CCNA1: variants seen among roughly 807,000 people sequenced by gnomAD.
CCNA1 encodes cyclin A1.
A neutral mutation model predicts 54.1 loss-of-function variants in CCNA1; 23 were observed. That is an observed-to-expected ratio of 0.42 (90% CI 0.31 to 0.60). CCNA1 has a LOEUF of 0.60. Ranked by LOEUF, CCNA1 falls within the 20% of genes least tolerant of loss-of-function variation. The pLI is 0.14. For synonymous variants in CCNA1, 208 were observed against 213.9 expected, an observed-to-expected ratio of 0.97 and a Z score of 0.24; for missense variants, 450 against 556.7, an observed-to-expected ratio of 0.81 and a Z score of 1.93.
chr13:36,438,514 A>G (rs2055835829), intron 4 of CCNA1, 130 bp from the exon 5 acceptor site: 5 of 697,222 alleles, frequency 7.2e-6, no homozygotes, highest in Non-Finnish European at 1.2e-5. Flanking sequence ...CCTTGTTATG[A>G]TAAAGATTTA....
At position 36,440,189 on chromosome 13, in the gene CCNA1, T is replaced by A. The variant is rs1456899340; in HGVS notation, c.1098+6T>A. 6.2e-7 allele frequency: 1 copy of A among 1,612,244 alleles called. No individual in the cohort carries two copies. Among genetic ancestry groups the A allele is most frequent in the Non-Finnish European group, 8.5e-7 (1 of 1,178,546 alleles). On this transcript the variant is annotated splice_donor_region_variant and intron_variant, in intron 6 of 8. Coordinates refer to ENST00000255465, the MANE Select transcript of CCNA1 (RefSeq NM_003914.4). ...GGACTGAGAACCTGGCTAAGGTGTG[T>A]ATGCCGCGTGATTTCTAGGAACTTC... is the stretch of plus-strand genomic sequence containing the variant.
intron 6 of CCNA1, 104 bp downstream of exon 6, chr13:36,440,287 C>A: frequency 1.9e-6 from 2 of 1,026,164 alleles, no homozygotes; most frequent in Non-Finnish European, 2.9e-6. Context: ...AGTTTTCTTC[C>A]CACAGGCCCA....
intron 6 of CCNA1, among the ~76,000 whole-genome samples, chr13:36,440,807 A>G (rs1368133709): frequency 1.3e-5 from 2 of 152,192 alleles, no homozygotes; most frequent in East Asian, 1.9e-4. Flanking sequence ...CTCTGTTCCA[A>G]TTCCAGCTGC....
chr13:36,433,821 G>A (rs893141603), intron 2 of CCNA1, among the ~76,000 whole-genome samples: 44 of 152,158 alleles, frequency 2.9e-4, no homozygotes, highest in South Asian at 4.1e-4. Context: ...GATTACAGGC[G>A]TCAGCCACGG....
chr13:36,432,796 G>T, intron 1 of CCNA1, 67 bp downstream of exon 1: 1 of 1,137,782 alleles, frequency 8.8e-7, no homozygotes, highest in Non-Finnish European at 1.3e-6. Context: ...AGCCCAACAC[G>T]AAGTCTTGGG....
At chr13:36,438,435 C>T (rs546780935) in intron 4 of CCNA1, among the ~76,000 whole-genome samples, 62 of 152,128 alleles carry the variant, frequency 4.1e-4, no homozygotes, top group Admixed American at 7.2e-4. Flanking sequence ...GCCATTCTCC[C>T]CTGCCCCCCC....
chr13:36,432,914 C>A, intron 1 of CCNA1, 119 bp from the exon 2 acceptor site: 2 of 1,043,294 alleles, frequency 1.9e-6, no homozygotes, highest in South Asian at 1.5e-5. Flanking sequence ...CTGGGAAGAT[C>A]AGCAATTGGT....
chr13:36,438,537 C>G (rs916555950), intron 4 of CCNA1, 107 bp from the exon 5 acceptor site: 4 of 780,696 alleles, frequency 5.1e-6, no homozygotes, highest in African/African-American at 1.7e-5. Flanking sequence ...TGGCTCTGAT[C>G]AGAATCTTTC....
intron 2 of CCNA1, among the ~76,000 whole-genome samples, chr13:36,435,565 T>G (rs1195237286): frequency 6.6e-6 from 1 of 152,254 alleles, no homozygotes; most frequent in Non-Finnish European, 1.5e-5. Context: ...TCTACCTAGC[T>G]CATTGGCCAC....
At position 36,439,972 on chromosome 13, in the gene CCNA1, T is replaced by G; in HGVS notation, c.894-7T>G. ...AGTTTTACTTCTGAAAACTCTTCCT[T>G]TCCCAGGAAATATGAAGAGATATAT... On this transcript the variant is annotated splice_region_variant and splice_polypyrimidine_tract_variant and intron_variant, in intron 5 of 8. Coordinates refer to ENST00000255465, the MANE Select transcript of CCNA1 (RefSeq NM_003914.4). 6.3e-7 allele frequency: 1 copy of G among 1,599,632 alleles called. No individual in the cohort carries two copies. The highest frequency in any genetic ancestry group is 2.2e-5 in the East Asian group (1 of 44,824).
At chr13:36,433,423 T>TTCGTTCG (rs2055752140) in intron 2 of CCNA1, among the ~76,000 whole-genome samples, 15 of 121,332 alleles carry the variant, frequency 1.2e-4, no homozygotes, top group African/African-American at 4.6e-4. Context: ...TCTTTCTTTC[T>TTCGTTCG]TTCTTTCTTT....
intron 5 of CCNA1, 141 bp from the exon 6 acceptor site, chr13:36,439,838 T>C (rs1016941508): frequency 8.1e-6 from 5 of 614,038 alleles, no homozygotes; most frequent in Non-Finnish European, 8.7e-6. Flanking sequence ...TTCATAGCCC[T>C]GAGTCATTTA....
In CCNA1 at chr13:36,439,459, A is replaced by G. The variant is rs76483575; in HGVS notation, c.894-520A>G. The stretch of plus-strand genomic sequence containing the variant: ...AAAACTTGCCAAAATTCCCCTAAAG[A>G]AAGTAGAAACAAAGGCAGAAGGAAA... On this transcript the variant is annotated intron_variant, in intron 5 of 8. Transcript: ENST00000255465. 7.9e-4 allele frequency among the ~76,000 whole-genome samples: 121 copies of G among 152,344 alleles called. No individual in the cohort carries two copies. In the East Asian group the frequency reaches 0.022, roughly 28 times the overall value.
rs1203284768 is a variant in CCNA1, at chr13:36,434,831, C to A, written c.297+1610C>A. On this transcript the variant is annotated intron_variant, in intron 2 of 8. Coordinates refer to ENST00000255465, the MANE Select transcript of CCNA1 (RefSeq NM_003914.4). ...TCCCTGCTGTCATGAGAGGTGCCCCCCCCCCCGCGCCATGCGTACAATATA... is the reference window on the plus strand; with the variant it reads ...TCCCTGCTGTCATGAGAGGTGCCCCACCCCCCGCGCCATGCGTACAATATA... Among the ~76,000 whole-genome samples the A allele has an allele frequency of 2.5e-5, 3 of 119,300 alleles. No homozygotes were observed. The East Asian group carries it at 6.1e-4, about 24-fold the overall frequency. 78.3% of individuals were successfully genotyped at this position (119,300 alleles called of 152,430 possible). A position where few individuals can be genotyped will look rare whatever the true frequency, so the allele number is the denominator to read the frequency against.
At chr13:36,441,941 A>G (rs931689436) in intron 7 of CCNA1, among the ~76,000 whole-genome samples, 13 of 152,154 alleles carry the variant, frequency 8.5e-5, no homozygotes, top group Admixed American at 2.0e-4. Context: ...ACAAGGAAAA[A>G]GTGATCCAGC....
rs748042719 is a variant in CCNA1 at position 36,437,767 on chromosome 13, G to A, written c.436G>A (p.Asp146Asn). Reference sequence around the variant, plus strand: ...CTACATGGATGAACTAGAGCAGGGGGACAGAGACAGCTGCTCGGTCAGAGA... The same window carrying A: ...CTACATGGATGAACTAGAGCAGGGGAACAGAGACAGCTGCTCGGTCAGAGA... The change falls in exon 3 of 9, where the codon GAC becomes AAC. Residue 146 changes from aspartate (D) to asparagine (N), a missense_variant. Coordinates refer to ENST00000255465, the MANE Select transcript of CCNA1 (RefSeq NM_003914.4). 3 of 1,614,056 alleles carry A rather than the reference G, an allele frequency of 1.9e-6. No homozygotes were observed. The highest frequency in any genetic ancestry group is 1.7e-5 in the Admixed American group (1 of 60,010).
chr13:36,433,644 G>T (rs534128693), intron 2 of CCNA1, among the ~76,000 whole-genome samples: 2 of 149,722 alleles, frequency 1.3e-5, no homozygotes, highest in Non-Finnish European at 3.0e-5. Context: ...GGGTTCAAGC[G>T]ATTCTCCTGC....
chr13:36,433,123 C>T lies in CCNA1; in HGVS notation c.199C>T (p.Gln67Ter). ...AGTGGCCCGAGGTCCCGATGCTTGT[C>T]AGATACTCACCAGAGCCCCGCTGGG... Residue 67 changes from glutamine (Q) to a stop codon, truncating the protein, a stop_gained, in exon 2 of 9, where the codon CAG becomes TAG. Transcript: ENST00000255465. LOFTEE classifies it high-confidence loss of function. 6.2e-7 allele frequency: 1 copy of T among 1,614,214 alleles called. No homozygotes were observed. The highest frequency in any genetic ancestry group is 8.5e-7 in the Non-Finnish European group (1 of 1,180,028).
At position 36,442,241 on chromosome 13, in the gene CCNA1, A is replaced by G; in HGVS notation, c.1283A>G (p.Lys428Arg). ...GTGCCTTGCCTGAGTGAGCTTCATA[A>G]AGCGTACCTTGATATACCCCATCGA... is the stretch of plus-strand genomic sequence containing the variant. The change falls in exon 8 of 9, where the codon AAA becomes AGA. Residue 428 changes from lysine (K) to arginine (R), a missense_variant. By Grantham distance (26) the Lys-to-Arg change is conservative. This residue lies in a region of CCNA1 where 53 missense variants were observed against 50.1 expected (regional missense o/e 1.06). Coordinates refer to ENST00000255465, the MANE Select transcript of CCNA1 (RefSeq NM_003914.4). 4 of 1,614,030 alleles carry G rather than the reference A, an allele frequency of 2.5e-6. No homozygotes were observed. The highest frequency in any genetic ancestry group is 2.5e-6 in the Non-Finnish European group (3 of 1,179,930).
Sources: gnomAD v4.1 joint callset for allele counts (sites outside exome capture counted in the v4.1 genomes callset) on GRCh38, gnomAD v4.1.1 for gene constraint, gnomAD v4.1.1 regional missense constraint, MANE v1.5 for transcripts, NCBI Gene and HGNC (gene_info 2026-07-23, HGNC 2026-07-21) for gene names.